The following BTAF1 variants were observed in gnomAD, a reference collection of about 807,000 sequenced individuals.
BTAF1 encodes the protein B-TFIID TATA-box binding protein associated factor 1, also known as TATA-binding protein-associated factor 172.
In BTAF1, 38 loss-of-function variants were observed where a neutral mutation model predicts 227.1. The observed-to-expected ratio is 0.17, with a 90% CI of 0.13 to 0.22. The LOEUF (loss-of-function observed/expected upper bound fraction) is 0.22, where lower values mean the gene tolerates loss of function less well. Ranked by LOEUF, BTAF1 falls within the 10% of genes least tolerant of loss-of-function variation. The probability of loss-of-function intolerance (pLI) is 1.00; values close to 1 mark genes in which losing one functional copy is unlikely to be tolerated. For synonymous variants in BTAF1, 742 were observed against 751.9 expected (o/e 0.99, Z 0.21); for missense variants, 1,598 against 2,204.0 (o/e 0.73, Z 5.51).
chr10:91,967,256 C>T (rs952627616), intron 14 of BTAF1, among the ~76,000 whole-genome samples: 1 of 152,128 alleles, frequency 6.6e-6, no homozygotes, highest in South Asian at 2.1e-4. Flanking sequence ...TCAGGAGTCA[C>T]GTTGAAATGT....
At chr10:91,948,370 T>C (rs1422838690) in intron 4 of BTAF1, among the ~76,000 whole-genome samples, 1 of 15,986 alleles carries the variant, frequency 6.3e-5, no homozygotes, top group African/African-American at 1.1e-4. Context: ...GTTTTAGAAC[T>C]ATTTATTTAT....
At chr10:91,967,515 G>A (rs1847005324) in intron 14 of BTAF1, among the ~76,000 whole-genome samples, 1 of 152,180 alleles carries the variant, frequency 6.6e-6, no homozygotes, top group Non-Finnish European at 1.5e-5. Context: ...TGCCTCTTTT[G>A]TGTTCACTAA....
At chr10:91,929,171 T>A (rs1222331070) in intron 1 of BTAF1, among the ~76,000 whole-genome samples, 2 of 152,196 alleles carry the variant, frequency 1.3e-5, no homozygotes, top group Non-Finnish European at 2.9e-5. Flanking sequence ...CTTAATACAA[T>A]TTTTTAAACA....
chr10:91,946,540 T>A (rs1845376962), intron 4 of BTAF1, among the ~76,000 whole-genome samples: 1 of 152,242 alleles, frequency 6.6e-6, no homozygotes, highest in African/African-American at 2.4e-5. Flanking sequence ...TATTTTACAT[T>A]CAATTTCTCA....
At chr10:92,013,566 C>G (rs1850512499) in intron 30 of BTAF1, 101 bp from the exon 31 acceptor site, 13 of 1,416,252 alleles carry the variant, frequency 9.2e-6, no homozygotes, top group South Asian at 1.2e-5. Flanking sequence ...GTGATAATCT[C>G]TCATCTATAT....
chr10:91,949,162 A>C (rs984707665), intron 4 of BTAF1, among the ~76,000 whole-genome samples: 1 of 151,982 alleles, frequency 6.6e-6, no homozygotes, highest in Non-Finnish European at 1.5e-5. Flanking sequence ...AAAAATAAAA[A>C]ATTAACTGGG....
intron 14 of BTAF1, among the ~76,000 whole-genome samples, chr10:91,973,903 CAA>C (rs566022941): frequency 6.4e-5 from 6 of 93,918 alleles, no homozygotes; most frequent in East Asian, 3.0e-4. Flanking sequence ...GACTCCGTCT[CAA>C]AAAAAAAAAA....
At chr10:92,016,973 T>C (rs1850784639) in intron 33 of BTAF1, among the ~76,000 whole-genome samples, 1 of 152,240 alleles carries the variant, frequency 6.6e-6, no homozygotes. Context: ...TGTTTGTATA[T>C]TACATGAAAA....
chr10:92,007,995 G>A (rs1850043528), intron 25 of BTAF1, 128 bp from the exon 26 acceptor site: 1 of 841,494 alleles, frequency 1.2e-6, no homozygotes, highest in Non-Finnish European at 1.8e-6. Context: ...TCTTTAACCT[G>A]ATTTGTCTTC....
At chr10:92,025,052 T>C in intron 35 of BTAF1, 85 bp downstream of exon 35, 1 of 1,193,150 alleles carries the variant, frequency 8.4e-7, no homozygotes, top group East Asian at 2.5e-5. Context: ...TTTCATTGGC[T>C]AAATATCTGC....
chr10:91,990,140 T>C (rs1375324898), intron 20 of BTAF1, among the ~76,000 whole-genome samples: 2 of 152,220 alleles, frequency 1.3e-5, no homozygotes, highest in African/African-American at 4.8e-5. Flanking sequence ...TAAAGACCAG[T>C]GTTTTATTCA....
intron 34 of BTAF1, among the ~76,000 whole-genome samples, chr10:92,019,158 ATGT>A (rs1850946113): frequency 6.6e-6 from 1 of 152,204 alleles, no homozygotes; most frequent in Non-Finnish European, 1.5e-5. Flanking sequence ...TATATTTACA[ATGT>A]TGTACAACCA....
intron 33 of BTAF1, 82 bp downstream of exon 33, chr10:92,016,547 C>T (rs1850742007): frequency 5.0e-6 from 6 of 1,203,868 alleles, no homozygotes; most frequent in Admixed American, 3.4e-5. Flanking sequence ...GGCATGATCT[C>T]GGCTCACTGC....
chr10:91,990,745 A>G (rs893626599), intron 20 of BTAF1, among the ~76,000 whole-genome samples: 1 of 151,858 alleles, frequency 6.6e-6, no homozygotes, highest in Non-Finnish European at 1.5e-5. Context: ...GTGAGCTGAG[A>G]TCGCGCCATT....
Position 92,030,058 on chromosome 10 carries a change from C to A in BTAF1, c.*1125C>A, listed in dbSNP as rs961926603. On this transcript the variant is annotated 3_prime_UTR_variant, in exon 38 of 38. Coordinates refer to ENST00000265990, the MANE Select transcript of BTAF1 (RefSeq NM_003972.3). ...AGTTTCACGCATAAATTAATACATGCCTGTGTGCATACATATGTATGGGAT... is the reference window on the plus strand; with the variant it reads ...AGTTTCACGCATAAATTAATACATGACTGTGTGCATACATATGTATGGGAT... The A allele has an allele frequency of 3.3e-5, 5 of 152,400 alleles. No homozygotes were observed. Among genetic ancestry groups the A allele is most frequent in the African/African-American group, 9.7e-5 (4 of 41,398 alleles). The allele number at this position is 152,400 out of a possible 1,614,324, so 9.4% of individuals were successfully genotyped here.
intron 4 of BTAF1, among the ~76,000 whole-genome samples, chr10:91,950,982 CAT>C (rs957422138): frequency 6.6e-6 from 1 of 151,842 alleles, no homozygotes; most frequent in African/African-American, 2.4e-5. Context: ...AGGTGTGTAC[CAT>C]CATGCCCTGC....
chr10:91,964,079 G>A lies in BTAF1; in HGVS notation c.1407G>A (p.Val469=), dbSNP rs751757046. The change falls in exon 13 of 38, where the codon GTG becomes GTA. Residue 469 remains valine, a splice_region_variant and synonymous_variant. Coordinates refer to ENST00000265990, the MANE Select transcript of BTAF1 (RefSeq NM_003972.3). ...ESLVYLQTQK[V]PFIINTLWDA... The stretch of plus-strand genomic sequence containing the variant: ...TTTCTTGAAAACTGATCTTATAGGT[G>A]CCCTTCATTATAAATACATTGTGGG... 8 of 1,611,646 alleles carry A rather than the reference G, an allele frequency of 5.0e-6. No homozygotes were observed. The South Asian group carries it at 6.6e-5, about 13-fold the overall frequency.
At chr10:92,026,264 C>T (rs936166830) in intron 35 of BTAF1, among the ~76,000 whole-genome samples, 9 of 152,122 alleles carry the variant, frequency 5.9e-5, no homozygotes, top group African/African-American at 1.9e-4. Context: ...TTCTCTGTCC[C>T]CATACTTTAA....
chr10:92,004,542 A>G (rs1849751045), intron 25 of BTAF1, among the ~76,000 whole-genome samples: 1 of 152,184 alleles, frequency 6.6e-6, no homozygotes, highest in Non-Finnish European at 1.5e-5. Context: ...ATCATGGCTC[A>G]CTGCAGCTTC....
Sources: gnomAD v4.1 joint callset for allele counts (sites outside exome capture counted in the v4.1 genomes callset) on GRCh38, gnomAD v4.1.1 for gene constraint, MANE v1.5 for transcripts, NCBI Gene and HGNC (gene_info 2026-07-23, HGNC 2026-07-21) for gene names.